Variants in RFX7 observed in about 807,000 individuals in gnomAD.
RFX7 encodes the protein regulatory factor X7, also known as DNA-binding protein RFX7.
Under a neutral mutation model 111.8 loss-of-function variants are expected in RFX7, and 26 were observed. The observed-to-expected ratio is 0.23, with a 90% CI of 0.17 to 0.32. The LOEUF (loss-of-function observed/expected upper bound fraction) is 0.32. Ranked by LOEUF, RFX7 falls within the 10% of genes least tolerant of loss-of-function variation. RFX7 has a pLI of 1.00. For missense variants in RFX7, 1,573 were observed against 1,772.9 expected (o/e 0.89, Z 2.02); for synonymous variants, 624 against 624.4 (o/e 1.00, Z 0.01).
intron 2 of RFX7, among the ~76,000 whole-genome samples, chr15:56,229,606 A>C (rs78661916): frequency 0.066 from 10,099 of 152,224 alleles, 461 homozygotes; most frequent in Admixed American, 0.11. Flanking sequence ...GAGAATGAGA[A>C]TCTCCCGGAA....
intron 8 of RFX7, among the ~76,000 whole-genome samples, chr15:56,100,036 A>G (rs2041732032): frequency 6.6e-6 from 1 of 152,232 alleles, no homozygotes; most frequent in Admixed American, 6.5e-5. Flanking sequence ...AAGACAGCAG[A>G]GCAAACTGAA....
Position 56,111,619 on chromosome 15 carries a change from G to T in RFX7, c.402-7949C>A, listed in dbSNP as rs1411925243. Among the ~76,000 whole-genome samples, 201 of 136,894 alleles carry T rather than the reference G, an allele frequency of 1.5e-3. 1 individual carries two copies. The highest frequency in any genetic ancestry group is 0.013 in the Middle Eastern group (3 of 224). The allele number at this position is 136,894 out of a possible 152,430, so 89.8% of individuals were successfully genotyped here. On this transcript the variant is annotated intron_variant, in intron 5 of 9. Transcript: ENST00000559447. ...CTGTGACCCTGCCAAATCCCCCTCT[G>T]CGAGAAACACCCAAGAATGATCAAT...
rs772081148 is a variant in RFX7, at chr15:56,096,085, T to G, written c.1643A>C (p.His548Pro). 5 of 1,613,674 alleles carry G rather than the reference T, an allele frequency of 3.1e-6. No homozygotes were observed. The South Asian group carries it at 3.3e-5, about 11-fold the overall frequency. Reference protein sequence around the residue: ...KVEPETSSDEHPVQCQENSDE... With the variant: ...KVEPETSSDEPPVQCQENSDE... ...AGAGTTCTCTTGGCACTGTACAGGA[T>G]GCTCATCTGATGATGTTTCGGGTTC... Residue 548 changes from histidine (H) to proline (P), a missense_variant, in exon 10 of 10, where the codon CAT becomes CCT. This residue lies in a region of RFX7 where 625 missense variants were observed against 632.2 expected (regional missense o/e 0.99). Transcript: ENST00000559447.
intron 2 of RFX7, among the ~76,000 whole-genome samples, chr15:56,202,272 A>G (rs562620234): frequency 3.3e-5 from 5 of 152,344 alleles, no homozygotes; most frequent in African/African-American, 1.2e-4. Context: ...CAGATATTAC[A>G]TTTAGTAAAA....
At chr15:56,103,810 C>T (rs956387405) in intron 5 of RFX7, 140 bp from the exon 6 acceptor site, 4 of 606,392 alleles carry the variant, frequency 6.6e-6, no homozygotes, top group Non-Finnish European at 1.2e-5. Flanking sequence ...CTATGATCAT[C>T]ACTCTTTGGT....
chr15:56,184,287 C>T (rs2043012830), intron 2 of RFX7, among the ~76,000 whole-genome samples: 2 of 150,620 alleles, frequency 1.3e-5, no homozygotes, highest in South Asian at 4.2e-4. Flanking sequence ...GATCCACCTG[C>T]CTTGGCCTCC....
At chr15:56,129,868 T>C (rs1169915587) in intron 5 of RFX7, among the ~76,000 whole-genome samples, 1 of 152,212 alleles carries the variant, frequency 6.6e-6, no homozygotes, top group African/African-American at 2.4e-5. Flanking sequence ...GTTGATCTTT[T>C]TGGCCATGGT....
intron 2 of RFX7, among the ~76,000 whole-genome samples, chr15:56,193,649 A>T (rs1261049720): frequency 2.0e-5 from 3 of 152,184 alleles, no homozygotes; most frequent in Non-Finnish European, 2.9e-5. Context: ...CTAACTACTC[A>T]TCTTCTAAAT....
At chr15:56,159,672 G>C (rs761514348) in intron 3 of RFX7, among the ~76,000 whole-genome samples, 10 of 152,212 alleles carry the variant, frequency 6.6e-5, no homozygotes, top group Non-Finnish European at 1.3e-4. Flanking sequence ...CTGTCATAAA[G>C]AAATACCTGA....
At chr15:56,241,442 C>T (rs543427955) in intron 2 of RFX7, among the ~76,000 whole-genome samples, 1 of 152,256 alleles carries the variant, frequency 6.6e-6, no homozygotes, top group Non-Finnish European at 1.5e-5. Context: ...ATATACATTA[C>T]TCATTCAACT....
chr15:56,204,605 A>C (rs1052463444), intron 2 of RFX7, among the ~76,000 whole-genome samples: 1 of 152,148 alleles, frequency 6.6e-6, no homozygotes, highest in Non-Finnish European at 1.5e-5. Context: ...TGTAAAGTCT[A>C]ATAACTAAAT....
intron 2 of RFX7, among the ~76,000 whole-genome samples, chr15:56,202,159 C>T (rs2043199064): frequency 6.6e-6 from 1 of 152,168 alleles, no homozygotes; most frequent in Non-Finnish European, 1.5e-5. Flanking sequence ...GTCTCTGAAA[C>T]CTATCACTTC....
intron 5 of RFX7, among the ~76,000 whole-genome samples, chr15:56,129,235 C>T (rs925675109): frequency 2.6e-5 from 4 of 151,914 alleles, no homozygotes; most frequent in Admixed American, 1.3e-4. Flanking sequence ...ATTAGCCAGG[C>T]GTGGTGGTGC....
intron 3 of RFX7, among the ~76,000 whole-genome samples, chr15:56,171,932 A>G (rs561388135): frequency 3.3e-5 from 5 of 152,304 alleles, no homozygotes; most frequent in African/African-American, 1.2e-4. Context: ...ATCAAAGTAG[A>G]TGAGATTATT....
At chr15:56,128,264 C>T (rs1192081270) in intron 5 of RFX7, among the ~76,000 whole-genome samples, 1 of 151,990 alleles carries the variant, frequency 6.6e-6, no homozygotes, top group African/African-American at 2.4e-5. Flanking sequence ...ATCCTGACAC[C>T]AAAATCAGAC....
At position 56,119,776 on chromosome 15, in the gene RFX7, CAAAA is replaced by C. The variant is rs1207159378; in HGVS notation, c.402-16110_402-16107del. Among the ~76,000 whole-genome samples, 235 of 65,288 alleles carry C rather than the reference CAAAA, an allele frequency of 3.6e-3. 2 individuals are homozygous for C. Among genetic ancestry groups the C allele is most frequent in the African/African-American group, 0.011 (223 of 20,096 alleles). The allele number at this position is 65,288 out of a possible 152,430, so 42.8% of individuals were successfully genotyped here. A position where few individuals can be genotyped will look rare whatever the true frequency, so the allele number is the denominator to read the frequency against. On this transcript the variant is annotated intron_variant, in intron 5 of 9. Transcript: ENST00000559447. ...TGGGTGACAGAGTGACACTGTGTCT[CAAAA>C]AAAAAAAAAAAAAAGAAAGAAAGAA... is the stretch of plus-strand genomic sequence containing the variant.
At chr15:56,104,070 A>C (rs761931031) in intron 5 of RFX7, among the ~76,000 whole-genome samples, 8 of 152,200 alleles carry the variant, frequency 5.3e-5, no homozygotes, top group Non-Finnish European at 8.8e-5. Context: ...GACAGAGATA[A>C]TACTACTAGG....
intron 2 of RFX7, among the ~76,000 whole-genome samples, chr15:56,207,282 AT>A (rs1279339802): frequency 1.3e-5 from 2 of 152,094 alleles, no homozygotes; most frequent in Non-Finnish European, 2.9e-5. Flanking sequence ...GGAGGAGGAA[AT>A]GGGGGGGTAT....
At chr15:56,202,668 C>T (rs1175758662) in intron 2 of RFX7, among the ~76,000 whole-genome samples, 1 of 152,110 alleles carries the variant, frequency 6.6e-6, no homozygotes, top group Non-Finnish European at 1.5e-5. Context: ...ATAAACGAGC[C>T]AGGTGTGGTG....
Sources: gnomAD v4.1 joint callset for allele counts (sites outside exome capture counted in the v4.1 genomes callset) on GRCh38, gnomAD v4.1.1 for gene constraint, gnomAD v4.1.1 regional missense constraint, MANE v1.5 for transcripts, NCBI Gene and HGNC (gene_info 2026-07-23, HGNC 2026-07-21) for gene names.